The following NAV3 variants were observed in gnomAD, a reference collection of about 807,000 sequenced individuals.
NAV3 encodes neuron navigator 3, also known as pore membrane and/or filament interacting like protein 1.
In NAV3, 87 loss-of-function variants were observed where a neutral mutation model predicts 244.7. That is an observed-to-expected ratio of 0.36 (90% confidence interval 0.30 to 0.42). NAV3 has a LOEUF of 0.42. Ranked by LOEUF, NAV3 falls within the 20% of genes least tolerant of loss-of-function variation. The pLI, the probability that NAV3 is intolerant of heterozygous loss-of-function variation, is 1.00. For synonymous variants in NAV3, 1,126 were observed against 1,042.2 expected (o/e 1.08, Z -1.55); for missense variants, 2,663 against 2,893.3 (o/e 0.92, Z 1.83).
chr12:77,817,649 G>C (rs1312521670), intron 2 of NAV3, among the ~76,000 whole-genome samples: 1 of 151,744 alleles, frequency 6.6e-6, no homozygotes, highest in African/African-American at 2.4e-5. Flanking sequence ...GTAATTAAAT[G>C]GTCATTTCAC....
chr12:77,860,589 T>G (rs1879121942), intron 1 of NAV3, among the ~76,000 whole-genome samples: 1 of 151,884 alleles, frequency 6.6e-6, no homozygotes, highest in Non-Finnish European at 1.5e-5. Context: ...AAGCAGATAG[T>G]CATAAGTATC....
chr12:77,793,063 C>T (rs965538268), intron 2 of NAV3, among the ~76,000 whole-genome samples: 1 of 152,140 alleles, frequency 6.6e-6, no homozygotes, highest in African/African-American at 2.4e-5. Flanking sequence ...TACCAAATTT[C>T]TCCCACCCAC....
At chr12:77,680,554 G>A (rs1484949005) in intron 2 of NAV3, among the ~76,000 whole-genome samples, 3 of 152,044 alleles carry the variant, frequency 2.0e-5, no homozygotes, top group Non-Finnish European at 4.4e-5. Flanking sequence ...AAGCCCAGTC[G>A]CCAATGTTAG....
intron 22 of NAV3, among the ~76,000 whole-genome samples, chr12:78,157,394 GAAA>G (rs36115195): frequency 9.3e-6 from 1 of 107,184 alleles, no homozygotes; most frequent in African/African-American, 3.4e-5. Flanking sequence ...TACAGAAAAT[GAAA>G]AAAAAAAAAA....
intron 1 of NAV3, among the ~76,000 whole-genome samples, chr12:77,861,189 T>C (rs1265909523): frequency 2.0e-5 from 3 of 151,784 alleles, no homozygotes; most frequent in Non-Finnish European, 3.0e-5. Context: ...TATAATTGAT[T>C]AAAATCTTTC....
intron 1 of NAV3, among the ~76,000 whole-genome samples, chr12:77,938,930 T>TTG (rs1218202244): frequency 4.3e-5 from 5 of 115,378 alleles, no homozygotes; most frequent in East Asian, 5.4e-4. Context: ...AAATGTGATC[T>TTG]CGTGTGTGTG....
intron 2 of NAV3, among the ~76,000 whole-genome samples, chr12:77,815,888 T>A (rs1872511207): frequency 6.6e-6 from 1 of 152,156 alleles, no homozygotes; most frequent in Admixed American, 6.6e-5. Context: ...AATTTTATAT[T>A]AATATTTTAT....
chr12:77,851,195 A>T (rs1347426061), intron 1 of NAV3, among the ~76,000 whole-genome samples: 1 of 151,938 alleles, frequency 6.6e-6, no homozygotes, highest in Non-Finnish European at 1.5e-5. Flanking sequence ...CCTATCTTGA[A>T]TTTTTTTTAT....
intron 37 of NAV3, 60 bp from the exon 38 acceptor site, chr12:78,200,413 A>T: frequency 1.0e-6 from 1 of 995,046 alleles, no homozygotes; most frequent in South Asian, 2.0e-5. Context: ...TGGTGTCTAG[A>T]TATGTGTTTA....
intron 17 of NAV3, 132 bp from the exon 18 acceptor site, chr12:78,128,574 C>A: frequency 1.2e-6 from 1 of 855,470 alleles, no homozygotes; most frequent in Non-Finnish European, 1.7e-6. Context: ...AAGAACTGAG[C>A]AATTATAATT....
intron 2 of NAV3, among the ~76,000 whole-genome samples, chr12:77,725,204 A>G (rs1423704115): frequency 1.3e-5 from 2 of 151,928 alleles, no homozygotes; most frequent in Non-Finnish European, 2.9e-5. Context: ...TCCAAATTTC[A>G]CTGCTTATTT....
intron 3 of NAV3, among the ~76,000 whole-genome samples, chr12:77,944,097 A>G (rs943784618): frequency 3.3e-5 from 5 of 152,194 alleles, no homozygotes; most frequent in African/African-American, 1.2e-4. Context: ...ATAGGCGAGA[A>G]CAAAAACGAC....
At chr12:78,185,434 A>G (rs1238319079) in intron 30 of NAV3, among the ~76,000 whole-genome samples, 167 bp from the exon 31 acceptor site, 2 of 151,852 alleles carry the variant, frequency 1.3e-5, no homozygotes, top group Admixed American at 1.3e-4. Context: ...TAGCCCAACC[A>G]CAGTAATTCA....
intron 12 of NAV3, among the ~76,000 whole-genome samples, chr12:78,086,332 TTAA>T (rs1953637051): frequency 1.3e-5 from 2 of 152,230 alleles, no homozygotes; most frequent in Admixed American, 6.5e-5. Context: ...TATTGACAAC[TTAA>T]TAAGAAAGTC....
intron 2 of NAV3, among the ~76,000 whole-genome samples, chr12:77,718,931 A>AG (rs1876488399): frequency 6.6e-6 from 1 of 152,150 alleles, no homozygotes; most frequent in African/African-American, 2.4e-5. Context: ...CTGGGATTAC[A>AG]GGCATGAGCC....
At chr12:77,901,975 C>A (rs969764215) in intron 1 of NAV3, among the ~76,000 whole-genome samples, 1 of 152,090 alleles carries the variant, frequency 6.6e-6, no homozygotes, top group African/African-American at 2.4e-5. Context: ...CTTAATAGTA[C>A]TTGGGGAAGA....
intron 2 of NAV3, among the ~76,000 whole-genome samples, chr12:77,800,088 G>A (rs997163527): frequency 1.2e-4 from 19 of 152,094 alleles, no homozygotes; most frequent in African/African-American, 4.6e-4. Flanking sequence ...GTGAATAATA[G>A]CTTAATAATA....
intron 9 of NAV3, among the ~76,000 whole-genome samples, chr12:78,042,934 GT>G (rs35626608): frequency 0.16 from 24,223 of 149,226 alleles, 2,967 homozygotes; most frequent in African/African-American, 0.35. Context: ...AATGATCATA[GT>G]TTTTTTTTTT....
chr12:78,179,452 A>G (rs1958406195), intron 28 of NAV3, 77 bp from the exon 29 acceptor site: 4 of 1,550,472 alleles, frequency 2.6e-6, no homozygotes, highest in Non-Finnish European at 3.5e-6. Flanking sequence ...ATTGCAGTGC[A>G]GCCTTTAAAA....
Sources: allele counts gnomAD v4.1 joint callset (sites outside exome capture counted in the v4.1 genomes callset), GRCh38; gene constraint gnomAD v4.1.1; transcripts MANE v1.5; gene names NCBI Gene and HGNC (gene_info 2026-07-23, HGNC 2026-07-21).